MGA: variants seen among roughly 807,000 people sequenced by gnomAD.
MGA encodes MAX dimerization protein MGA, also known as MAX gene-associated protein.
A neutral mutation model predicts 261.1 loss-of-function variants in MGA; 40 were observed. The observed-to-expected ratio is 0.15, with a 90% confidence interval of 0.12 to 0.20. The LOEUF (loss-of-function observed/expected upper bound fraction) is 0.20, where lower values mean the gene tolerates loss of function less well. Among genes scored for constraint, MGA ranks in the 10% least tolerant of loss-of-function variants. The pLI is 1.00. For missense variants in MGA, 3,397 were observed against 3,630.5 expected (o/e 0.94, Z 1.65); for synonymous variants, 1,302 against 1,290.6 (o/e 1.01, Z -0.19).
chr15:41,739,951 A>T, intron 13 of MGA: 1 of 1,612,870 alleles, frequency 6.2e-7, no homozygotes, highest in Non-Finnish European at 8.5e-7. Context: ...ATTGGGACAG[A>T]TGGGGGCATT....
At chr15:41,644,435 C>G (rs527326722) in intron 1 of MGA, among the ~76,000 whole-genome samples, 1 of 150,488 alleles carries the variant, frequency 6.6e-6, no homozygotes, top group Non-Finnish European at 1.5e-5. Context: ...GTTGGAGGAT[C>G]ACTTGAGTCC....
intron 7 of MGA, among the ~76,000 whole-genome samples, chr15:41,710,341 T>C (rs535892957): frequency 5.3e-5 from 8 of 152,362 alleles, no homozygotes; most frequent in Admixed American, 2.0e-4. Context: ...TTTAATGTCA[T>C]TAATATCTGA....
intron 8 of MGA, 57 bp downstream of exon 8, chr15:41,711,406 T>C: frequency 6.7e-7 from 1 of 1,488,520 alleles, no homozygotes. Context: ...AGAGCGAGGT[T>C]AGTGAGGGGA....
At chr15:41,706,585 CTT>C (rs11407130) in intron 5 of MGA, among the ~76,000 whole-genome samples, 16 of 136,500 alleles carry the variant, frequency 1.2e-4, no homozygotes, top group African/African-American at 3.8e-4. Context: ...TTTTTTTTCC[CTT>C]TTTTTTTTTT....
intron 13 of MGA, 99 bp from the exon 14 acceptor site, chr15:41,739,807 A>G: frequency 1.7e-6 from 2 of 1,177,388 alleles, no homozygotes; most frequent in South Asian, 3.0e-5. Flanking sequence ...TCTGAAAAAT[A>G]GACTTATGAA....
intron 5 of MGA, among the ~76,000 whole-genome samples, chr15:41,702,037 G>A (rs1426530819): frequency 6.6e-6 from 1 of 151,602 alleles, no homozygotes; most frequent in Non-Finnish European, 1.5e-5. Context: ...AGCCATACTT[G>A]GGCCAGGCTC....
intron 5 of MGA, among the ~76,000 whole-genome samples, chr15:41,705,018 G>A (rs575238412): frequency 6.6e-6 from 1 of 152,204 alleles, no homozygotes; most frequent in Non-Finnish European, 1.5e-5. Flanking sequence ...TAGGTTCTAA[G>A]TAGGCTCTGG....
intron 3 of MGA, among the ~76,000 whole-genome samples, chr15:41,697,799 GTC>G (rs1364376085): frequency 2.0e-5 from 3 of 152,126 alleles, no homozygotes; most frequent in South Asian, 2.1e-4. Flanking sequence ...ACACATTGAA[GTC>G]TCTGTTTATT....
chr15:41,740,117 A>G lies in MGA; in HGVS notation c.4499A>G (p.Asn1500Ser), dbSNP rs1020041948. 6 of 1,614,010 alleles carry G rather than the reference A, an allele frequency of 3.7e-6. No individual in the cohort carries two copies. The African/African-American group carries it at 5.3e-5, about 14-fold the overall frequency. ...CGTACCCTGTTGCCTTCAACATCCAATTCCAAAATGGCATCCTCCTCTGGC... is the reference window on the plus strand; with the variant it reads ...CGTACCCTGTTGCCTTCAACATCCAGTTCCAAAATGGCATCCTCCTCTGGC... Residue 1500 changes from asparagine (N) to serine (S), a missense_variant, in exon 14 of 24, where the codon AAT (asparagine) becomes AGT (serine). By Grantham distance (46) the Asn-to-Ser change is conservative (BLOSUM62 1). Around this residue, in one of 9 missense-constraint regions of MGA, gnomAD observed 1,410 missense variants for 1,386.4 expected, o/e 1.02. Coordinates refer to ENST00000219905, the MANE Select transcript of MGA (RefSeq NM_001164273.2).
intron 5 of MGA, among the ~76,000 whole-genome samples, chr15:41,702,453 A>G (rs1224529065): frequency 1.3e-5 from 2 of 152,200 alleles, no homozygotes; most frequent in African/African-American, 2.4e-5. Context: ...GTTCATCTCT[A>G]AAATTTGATT....
upstream of MGA, among the ~76,000 whole-genome samples, chr15:41,658,525 T>C (rs2057255830): frequency 6.6e-6 from 1 of 152,104 alleles, no homozygotes; most frequent in Non-Finnish European, 1.5e-5. Context: ...CCCTGAAATG[T>C]GTGTGGTGGT....
intron 2 of MGA, among the ~76,000 whole-genome samples, chr15:41,679,432 A>G (rs1474866709): frequency 6.6e-6 from 1 of 152,148 alleles, no homozygotes; most frequent in African/African-American, 2.4e-5. Flanking sequence ...TTGTCTTCCT[A>G]TTCATGAACA....
intron 8 of MGA, among the ~76,000 whole-genome samples, chr15:41,711,958 A>G (rs2060408792): frequency 6.6e-6 from 1 of 152,138 alleles, no homozygotes; most frequent in Non-Finnish European, 1.5e-5. Flanking sequence ...ACCTCACAAA[A>G]TGCTGGGATT....
rs1383751512 is a variant in MGA, at chr15:41,766,296, A to G, written c.8214A>G (p.Lys2738=). The G allele has an allele frequency of 6.2e-7, 1 of 1,614,018 alleles. No individual in the cohort carries two copies. The highest frequency in any genetic ancestry group is 8.5e-7 in the Non-Finnish European group (1 of 1,179,878). The change falls in exon 24 of 24, where the codon AAA becomes AAG. Residue 2738 remains lysine, a synonymous_variant. Coordinates refer to ENST00000219905, the MANE Select transcript of MGA (RefSeq NM_001164273.2). Reference sequence around the variant, plus strand: ...TAGTTGACGTTTCCAATATGCAGAAAGCACAAGAGTTCTTACCTAAAAAGA... The same window carrying G: ...TAGTTGACGTTTCCAATATGCAGAAGGCACAAGAGTTCTTACCTAAAAAGA...
At chr15:41,697,915 C>T (rs1243919964) in intron 3 of MGA, among the ~76,000 whole-genome samples, 3 of 152,278 alleles carry the variant, frequency 2.0e-5, no homozygotes, top group Admixed American at 2.0e-4. Context: ...GTGGCTCATG[C>T]TGGAGTGCAG....
At chr15:41,688,783 G>T (rs2059107215) in intron 2 of MGA, among the ~76,000 whole-genome samples, 1 of 152,170 alleles carries the variant, frequency 6.6e-6, no homozygotes, top group South Asian at 2.1e-4. Context: ...AAATATCGTA[G>T]ATTGGCTGGC....
chr15:41,650,980 G>C (rs1037809152), intron 1 of MGA, among the ~76,000 whole-genome samples: 4 of 152,072 alleles, frequency 2.6e-5, no homozygotes, highest in Non-Finnish European at 5.9e-5. Flanking sequence ...AGGTTTATTT[G>C]GCTCACAGTT....
rs570484800 is a variant in MGA, at chr15:41,742,692, G to A, written c.4732G>A (p.Val1578Ile). The A allele has an allele frequency of 8.1e-6, 13 of 1,613,982 alleles. No homozygotes were observed. The highest frequency in any genetic ancestry group is 5.5e-5 in the South Asian group (5 of 91,082). The change falls in exon 15 of 24, where the codon GTC (valine) becomes ATC (isoleucine). Residue 1578 changes from valine (V) to isoleucine (I), a missense_variant. Coordinates refer to ENST00000219905, the MANE Select transcript of MGA (RefSeq NM_001164273.2). ...TATCAGACCTTCTCCAGTAATGGTC[G>A]TCACACCTGTGGTTTCTTCTGAGCC...
rs535561584 is a variant in MGA, at chr15:41,641,646, C to T, written c.-68+20348C>T. The stretch of plus-strand genomic sequence containing the variant: ...CTGGGACTATAGGTGCGCGCCACCA[C>T]GCCCAGCTAATTTTTGTATTTTTAG... On this transcript the variant is annotated intron_variant, in intron 1 of 8. Transcript: ENST00000566718. 1.1e-4 allele frequency among the ~76,000 whole-genome samples: 17 copies of T among 151,880 alleles called. No individual in the cohort carries two copies. In the East Asian group the frequency reaches 2.3e-3, roughly 21 times the overall value.
Sources: allele counts gnomAD v4.1 joint callset (sites outside exome capture counted in the v4.1 genomes callset), GRCh38; gene constraint gnomAD v4.1.1; regional missense constraint gnomAD v4.1.1; transcripts MANE v1.5; gene names NCBI Gene and HGNC (gene_info 2026-07-23, HGNC 2026-07-21).